Variants in FGD6 observed in about 807,000 individuals in gnomAD.
The protein encoded by FGD6 is FYVE, RhoGEF and PH domain-containing protein 6.
FGD6 carries 90 observed loss-of-function variants against 149.4 expected under a neutral mutation model. The observed-to-expected ratio is 0.60, with a 90% CI of 0.51 to 0.72. The LOEUF is 0.72. Ranked by LOEUF, FGD6 falls within the 30% of genes least tolerant of loss-of-function variation. FGD6 has a pLI of 0.00. For missense variants in FGD6, 1,437 were observed against 1,684.8 expected (o/e 0.85, Z 2.57); for synonymous variants, 527 against 584.0 (o/e 0.90, Z 1.41).
At chr12:95,206,079 A>AT (rs1407428216) in intron 2 of FGD6, among the ~76,000 whole-genome samples, 1 of 152,194 alleles carries the variant, frequency 6.6e-6, no homozygotes, top group African/African-American at 2.4e-5. Flanking sequence ...ACTAAGCAGC[A>AT]TAACAGATAA....
At chr12:95,212,850 A>T (rs1375042347) in intron 1 of FGD6, among the ~76,000 whole-genome samples, 2 of 152,204 alleles carry the variant, frequency 1.3e-5, no homozygotes, top group Non-Finnish European at 2.9e-5. Context: ...CCTTTTACCA[A>T]CCAAGGAAGA....
chr12:95,088,933 AACT>A (rs1877963615), intron 18 of FGD6, among the ~76,000 whole-genome samples: 1 of 151,594 alleles, frequency 6.6e-6, no homozygotes, highest in Non-Finnish European at 1.5e-5. Flanking sequence ...CCAAATTAAA[AACT>A]ACTCTGCTGG....
chr12:95,142,338 T>A (rs1249053402), intron 5 of FGD6, among the ~76,000 whole-genome samples: 1 of 151,930 alleles, frequency 6.6e-6, no homozygotes, highest in African/African-American at 2.4e-5. Flanking sequence ...AGAGACGGCG[T>A]TTCACCATGT....
intron 8 of FGD6, among the ~76,000 whole-genome samples, chr12:95,134,121 T>C (rs1879599016): frequency 6.6e-6 from 1 of 152,166 alleles, no homozygotes; most frequent in Non-Finnish European, 1.5e-5. Context: ...GTAGAACTTG[T>C]TATAATTAAA....
Position 95,183,911 on chromosome 12 carries a change from G to A in FGD6, c.2442-11167C>T, listed in dbSNP as rs187272659. ...TGGGATCGCGAGGTACAAAGCAGGT[G>A]CACTGGCAGATTTTAATAAGATTAT... On this transcript the variant is annotated intron_variant, in intron 2 of 20. Transcript: ENST00000343958. Among the ~76,000 whole-genome samples the A allele has an allele frequency of 9.1e-4, 139 of 152,308 alleles. 4 individuals carry two copies. In the East Asian group the frequency reaches 0.016, roughly 18 times the overall value.
intron 1 of FGD6, among the ~76,000 whole-genome samples, chr12:95,216,511 A>G (rs2056786767): frequency 6.6e-6 from 1 of 152,196 alleles, no homozygotes; most frequent in Non-Finnish European, 1.5e-5. Flanking sequence ...GAATGTTCAG[A>G]AACACAACGT....
chr12:95,102,276 T>C (rs1878465623), intron 14 of FGD6, among the ~76,000 whole-genome samples: 1 of 151,652 alleles, frequency 6.6e-6, no homozygotes, highest in South Asian at 2.1e-4. Flanking sequence ...AAACCCTGTC[T>C]CTACTAAAAA....
intron 2 of FGD6, among the ~76,000 whole-genome samples, chr12:95,178,668 A>G (rs1481344356): frequency 6.6e-6 from 1 of 152,230 alleles, no homozygotes; most frequent in Non-Finnish European, 1.5e-5. Context: ...TAATTTAAAA[A>G]TTAATGATTT....
chr12:95,179,932 G>C (rs892894028), intron 2 of FGD6, among the ~76,000 whole-genome samples: 4 of 152,006 alleles, frequency 2.6e-5, no homozygotes, highest in African/African-American at 9.7e-5. Context: ...TACAAAATTA[G>C]CCAGGCGTGG....
chr12:95,124,432 T>G (rs1450440795), intron 8 of FGD6, among the ~76,000 whole-genome samples: 1 of 152,128 alleles, frequency 6.6e-6, no homozygotes, highest in Non-Finnish European at 1.5e-5. Flanking sequence ...ATAAAGCAAA[T>G]GTAAGCACCA....
intron 3 of FGD6, among the ~76,000 whole-genome samples, chr12:95,153,433 G>A (rs551714499): frequency 1.9e-4 from 29 of 152,288 alleles, no homozygotes; most frequent in Admixed American, 4.6e-4. Context: ...AGGCCGAGGC[G>A]GGTGGATCAC....
chr12:95,145,563 C>G (rs1415572841), intron 5 of FGD6, among the ~76,000 whole-genome samples: 1 of 152,196 alleles, frequency 6.6e-6, no homozygotes, highest in Non-Finnish European at 1.5e-5. Flanking sequence ...TTTCCATCCA[C>G]TAACGCCCAC....
intron 14 of FGD6, 103 bp downstream of exon 14, chr12:95,104,904 T>A: frequency 1.2e-6 from 1 of 828,510 alleles, no homozygotes. Context: ...CAGAGTGAGA[T>A]GCTGTCTCAA....
rs1369477284 is a variant in FGD6 at position 95,210,779 on chromosome 12, G to A, written c.505C>T (p.Gln169Ter). 1 of 1,614,000 alleles carries A rather than the reference G, an allele frequency of 6.2e-7. No individual in the cohort carries two copies. The highest frequency in any genetic ancestry group is 1.3e-5 in the African/African-American group (1 of 75,000). The change falls in exon 2 of 21, where the codon CAG becomes TAG. Residue 169 changes from glutamine (Q) to a stop codon, truncating the protein, a stop_gained. Transcript: ENST00000343958. LOFTEE classifies it high-confidence loss of function. The stretch of plus-strand genomic sequence containing the variant: ...CTTGCCTTTAAAACAACCCCACCCT[G>A]GTTCTTGGCTTTTTCACCATACAAA... Reference protein sequence around the residue: ...CDLYGEKAKNQGGVVLKASVL... With the variant: ...CDLYGEKAKN
chr12:95,152,257 T>G (rs532363624), intron 5 of FGD6, among the ~76,000 whole-genome samples: 2 of 151,884 alleles, frequency 1.3e-5, no homozygotes, highest in African/African-American at 4.8e-5. Context: ...ACCCAGGAGG[T>G]TGAAAGGCTG....
chr12:95,145,826 A>C (rs1159505023), intron 5 of FGD6, among the ~76,000 whole-genome samples: 1 of 152,002 alleles, frequency 6.6e-6, no homozygotes, highest in Non-Finnish European at 1.5e-5. Context: ...GGCATATGCC[A>C]CCACGCCCAG....
In FGD6 at chr12:95,209,638, C is replaced by T. The variant is rs764358181; in HGVS notation, c.1646G>A (p.Arg549His). Residue 549 changes from arginine to histidine, a missense_variant, in exon 2 of 21, where the codon CGT (arginine) becomes CAT (histidine). Physicochemically the swap from Arg to His is conservative, Grantham distance 29. This residue lies in a region of FGD6 where 1,055 missense variants were observed against 1,146.0 expected (regional missense o/e 0.92). Transcript: ENST00000343958. Reference protein sequence around the residue: ...NHLQHLCAQNRGVSSSFDMPK... With the variant: ...NHLQHLCAQNHGVSSSFDMPK... ...CATATCAAAGGAGGATGACACACCA[C>T]GGTTTTGGGCACACAAATGCTGAAG... is the stretch of plus-strand genomic sequence containing the variant. 3.7e-6 allele frequency: 6 copies of T among 1,613,194 alleles called. No individual in the cohort carries two copies. Among genetic ancestry groups the T allele is most frequent in the Middle Eastern group, 1.7e-4 (1 of 6,060 alleles).
intron 14 of FGD6, among the ~76,000 whole-genome samples, chr12:95,100,070 C>A (rs78723268): frequency 1.2e-5 from 1 of 80,762 alleles, no homozygotes; most frequent in Admixed American, 1.5e-4. Context: ...CCCCCCCCCA[C>A]CCCATATAAG....
chr12:95,134,869 A>G (rs1166303898), intron 7 of FGD6, 43 bp from the exon 8 acceptor site: 1 of 1,528,342 alleles, frequency 6.5e-7, no homozygotes, highest in South Asian at 1.2e-5. Flanking sequence ...GTTTTCTAAG[A>G]AGCAAGGGAC....
Sources: gnomAD v4.1 joint callset for allele counts (sites outside exome capture counted in the v4.1 genomes callset) on GRCh38, gnomAD v4.1.1 for gene constraint, gnomAD v4.1.1 regional missense constraint, MANE v1.5 for transcripts, NCBI Gene and HGNC (gene_info 2026-07-23, HGNC 2026-07-21) for gene names.